ZAN: variants seen among roughly 807,000 people sequenced by gnomAD.
The protein encoded by ZAN is zonadhesin, also known as zonadhesin (gene/pseudogene).
Under a neutral mutation model 286.2 loss-of-function variants are expected in ZAN, and 260 were observed. The ratio of observed to expected loss-of-function variants is 0.91; its 90% CI spans 0.82 to 1.01. The LOEUF (loss-of-function observed/expected upper bound fraction) is 1.01. ZAN is among the 50% of genes least tolerant of loss of function. ZAN has a pLI of 0.00. For missense variants in ZAN, 3,410 were observed against 3,639.2 expected (o/e 0.94, Z 1.62); for synonymous variants, 1,368 against 1,417.5 (o/e 0.97, Z 0.79).
chr7:100,767,116 G>C lies in ZAN; in HGVS notation c.4719G>C (p.Trp1573Cys). The C allele has an allele frequency of 6.2e-7, 1 of 1,613,896 alleles. No homozygotes were observed. The highest frequency in any genetic ancestry group is 8.5e-7 in the Non-Finnish European group (1 of 1,179,868). The change falls in exon 25 of 48, where the codon TGG becomes TGC. Residue 1573 changes from tryptophan to cysteine, a missense_variant. Around this residue, in one of 7 missense-constraint regions of ZAN, gnomAD observed 1,042 missense variants for 1,058.0 expected, o/e 0.98. Transcript: ENST00000613979. ...TCTYVLTRPC[W>C]SRSQDSYFVV... ...CCTATGTCCTGACCCGGCCTTGCTG[G>C]TCCAGGTCCCAAGACAGCTATTTTG...
chr7:100,773,901 C>T (rs1810578308), intron 31 of ZAN, 36 bp downstream of exon 31: 2 of 1,575,246 alleles, frequency 1.3e-6, no homozygotes, highest in Non-Finnish European at 1.7e-6. Context: ...ACTCCACAGC[C>T]CTGAGGCCCA....
intron 14 of ZAN, among the ~76,000 whole-genome samples, chr7:100,754,800 A>T (rs925124543): frequency 1.3e-5 from 2 of 151,952 alleles, no homozygotes; most frequent in South Asian, 4.2e-4. Flanking sequence ...AAGTCTTGGG[A>T]TTACAGGGGT....
At chr7:100,755,473 G>C in intron 15 of ZAN, 63 bp downstream of exon 15, 1 of 1,560,804 alleles carries the variant, frequency 6.4e-7, no homozygotes, top group Non-Finnish European at 8.7e-7. Flanking sequence ...CTGGGTTCCA[G>C]CTCCATCTGC....
intron 39 of ZAN, 56 bp from the exon 40 acceptor site, chr7:100,790,879 TAAAAAAA>T (rs5886138): frequency 1.7e-6 from 2 of 1,211,084 alleles, no homozygotes; most frequent in Non-Finnish European, 2.2e-6. Context: ...CAAGACTGTC[TAAAAAAA>T]AAAAAAAAAA....
At chr7:100,733,967 T>A in intron 1 of ZAN, 60 bp from the exon 2 acceptor site, 1 of 411,868 alleles carries the variant, frequency 2.4e-6, no homozygotes, top group South Asian at 3.4e-5. Flanking sequence ...TCCCTCGATT[T>A]CAATCTACGA....
intron 14 of ZAN, among the ~76,000 whole-genome samples, chr7:100,754,101 A>G (rs898233307): frequency 6.6e-6 from 1 of 151,948 alleles, no homozygotes; most frequent in African/African-American, 2.4e-5. Flanking sequence ...GGCTTCTTTC[A>G]CTGAGTGTAA....
At position 100,779,463 on chromosome 7, in the gene ZAN, T is replaced by C. The variant is rs764736339; in HGVS notation, c.6335T>C (p.Val2112Ala). 3 of 1,607,186 alleles carry C rather than the reference T, an allele frequency of 1.9e-6. No individual in the cohort carries two copies. The highest frequency in any genetic ancestry group is 2.6e-6 in the Non-Finnish European group (3 of 1,176,184). Reference protein sequence around the residue: ...DIDPSCQSLLVDEQQIPAEQQ... With the variant: ...DIDPSCQSLLADEQQIPAEQQ... Reference sequence around the variant, plus strand: ...CTTCCCAGTTGTCAGAGTCTCCTGGTAGATGAGCAGCAGATTCCAGCGGAA... The same window carrying C: ...CTTCCCAGTTGTCAGAGTCTCCTGGCAGATGAGCAGCAGATTCCAGCGGAA... Residue 2112 changes from valine to alanine, a missense_variant, in exon 35 of 48, where the codon GTA (valine) becomes GCA (alanine). Around this residue, in one of 7 missense-constraint regions of ZAN, gnomAD observed 1,289 missense variants for 1,314.3 expected, o/e 0.98. Coordinates refer to ENST00000613979, the MANE Select transcript of ZAN (RefSeq NM_003386.3).
chr7:100,743,631 CTT>C (rs1807971876), intron 7 of ZAN, among the ~76,000 whole-genome samples: 1 of 152,018 alleles, frequency 6.6e-6, no homozygotes, highest in African/African-American at 2.4e-5. Context: ...AATCCCAGCA[CTT>C]TGGGAGGCCG....
chr7:100,746,582 C>A lies in ZAN; in HGVS notation c.811C>A (p.Gln271Lys), dbSNP rs150120198. ...GGACCCCAAGAATGCAAGACCTGGGCAGAAAGCTGTCCTCCTGAGCCCCGT... is the reference window on the plus strand; with the variant it reads ...GGACCCCAAGAATGCAAGACCTGGGAAGAAAGCTGTCCTCCTGAGCCCCGT... ...LLDPKNARPG[Q>K]KAVLLSPVSL... Residue 271 changes from glutamine (Q) to lysine (K), a missense_variant, in exon 8 of 48, where the codon CAG becomes AAG. Gln to Lys is a moderately conservative substitution (Grantham distance 53). Transcript: ENST00000613979. 580 of 1,613,966 alleles carry A rather than the reference C, an allele frequency of 3.6e-4. 2 individuals carry two copies. The African/African-American group carries it at 6.1e-3, about 17-fold the overall frequency.
At position 100,752,141 on chromosome 7, in the gene ZAN, C is replaced by T. The variant is rs115934396; in HGVS notation, c.2036C>T (p.Thr679Ile). 8.4e-4 allele frequency: 1,360 copies of T among 1,611,268 alleles called. 18 individuals carry two copies. In the African/African-American group the frequency reaches 0.016, roughly 19 times the overall value. ...TCCATGGAAGAGCCTGTCATCCCTA[C>T]AGAAAAACCCAGCATCCCTACAGAA... ...TTSMEEPVIP[T>I]EKPSIPTEKP... Residue 679 changes from threonine to isoleucine, a missense_variant, in exon 14 of 48, where the codon ACA (threonine) becomes ATA (isoleucine). Physicochemically the swap from Thr to Ile is moderately conservative, Grantham distance 89 (BLOSUM62 -1). Coordinates refer to ENST00000613979, the MANE Select transcript of ZAN (RefSeq NM_003386.3).
intron 19 of ZAN, 122 bp downstream of exon 19, chr7:100,760,658 T>G (rs1809504978): frequency 7.1e-7 from 1 of 1,414,590 alleles, no homozygotes; most frequent in Admixed American, 2.2e-5. Flanking sequence ...ACTTGATCCT[T>G]TATGCATTCA....
In ZAN at chr7:100,751,717, G is replaced by T. The variant is rs1305427233; in HGVS notation, c.1612G>T (p.Val538Leu). The change falls in exon 14 of 48, where the codon GTG becomes TTG. Residue 538 changes from valine (V) to leucine (L), a missense_variant. Coordinates refer to ENST00000613979, the MANE Select transcript of ZAN (RefSeq NM_003386.3). ...LINPGTCPVK[V>L]LPELPPVSPV... ...ATTCTTATTTTTCTTTGCAGTAAAA[G>T]TGCTACCAGAGCTTCCTCCCGTATC... The T allele has an allele frequency of 3.2e-6, 5 of 1,578,154 alleles. No homozygotes were observed. The African/African-American group carries it at 5.5e-5, about 17-fold the overall frequency.
intron 45 of ZAN, among the ~76,000 whole-genome samples, chr7:100,796,062 C>T (rs1194487014): frequency 6.6e-6 from 1 of 151,776 alleles, no homozygotes; most frequent in Non-Finnish European, 1.5e-5. Context: ...CCTGGGCGAC[C>T]AAGACTCCAT....
chr7:100,760,329 T>G, intron 18 of ZAN, 62 bp from the exon 19 acceptor site: 1 of 1,582,314 alleles, frequency 6.3e-7, no homozygotes, highest in Non-Finnish European at 8.6e-7. Context: ...GAAATGAAAG[T>G]CTGCTGGGGT....
Position 100,751,284 on chromosome 7 carries a change from G to T in ZAN, c.1606+18G>T. ...TTGTCCAGGTAAGACCAAAGCCCAG[G>T]CTCCAGGAAGGGGGCGGTGCCCTGA... On this transcript the variant is annotated intron_variant, in intron 13 of 47. Transcript: ENST00000613979. The T allele has an allele frequency of 6.5e-7, 1 of 1,540,510 alleles. No homozygotes were observed. Among genetic ancestry groups the T allele is most frequent in the Non-Finnish European group, 8.8e-7 (1 of 1,142,536 alleles).
In ZAN at chr7:100,788,106, A is replaced by C; in HGVS notation, c.7197A>C (p.Lys2399Asn). The change falls in exon 38 of 48, where the codon AAA becomes AAC. Residue 2399 changes from lysine to asparagine, a missense_variant. Physicochemically the swap from Lys to Asn is moderately conservative, Grantham distance 94. Around this residue, in one of 7 missense-constraint regions of ZAN, gnomAD observed 1,289 missense variants for 1,314.3 expected, o/e 0.98. Transcript: ENST00000613979. ...TGATTACCACCGTCTACGGCTATAA[A>C]GTGCAGCTCCAAGCTGGTCTGGAGC... ...QEVITTVYGY[K>N]VQLQAGLELV... The C allele has an allele frequency of 6.5e-7, 1 of 1,546,012 alleles. No individual in the cohort carries two copies. The highest frequency in any genetic ancestry group is 8.8e-7 in the Non-Finnish European group (1 of 1,135,638).
At chr7:100,791,389 C>T (rs1206625753) in intron 40 of ZAN, among the ~76,000 whole-genome samples, 3 of 151,886 alleles carry the variant, frequency 2.0e-5, no homozygotes, top group Non-Finnish European at 4.4e-5. Context: ...TCTTCCTCCT[C>T]CTTCTCCTCC....
chr7:100,764,136 A>G lies in ZAN; in HGVS notation c.4207A>G (p.Thr1403Ala). 6.2e-7 allele frequency: 1 copy of G among 1,610,544 alleles called. No homozygotes were observed. Among genetic ancestry groups the G allele is most frequent in the Non-Finnish European group, 8.5e-7 (1 of 1,178,264 alleles). ...GCTGTGCACACACATGTCCACCATG[A>G]CCACCACCTGCCAGGACGCAGGCCA... ...HLLCTHMSTM[T>A]TTCQDAGHAV... Residue 1403 changes from threonine (T) to alanine (A), a missense_variant, in exon 22 of 48, where the codon ACC becomes GCC. This residue lies in a region of ZAN where 1,042 missense variants were observed against 1,058.0 expected (regional missense o/e 0.98). Transcript: ENST00000613979.
At chr7:100,747,477 C>A in intron 8 of ZAN, 73 bp from the exon 9 acceptor site, 2 of 1,274,178 alleles carry the variant, frequency 1.6e-6, no homozygotes, top group Non-Finnish European at 2.3e-6. Context: ...GCTCCTCATC[C>A]TCCTAGGTAT....
Sources: gnomAD v4.1 joint callset for allele counts (sites outside exome capture counted in the v4.1 genomes callset) on GRCh38, gnomAD v4.1.1 for gene constraint, gnomAD v4.1.1 regional missense constraint, MANE v1.5 for transcripts, NCBI Gene and HGNC (gene_info 2026-07-23, HGNC 2026-07-21) for gene names.